ARHGAP17: variants seen among roughly 807,000 people sequenced by gnomAD.
The protein encoded by ARHGAP17 is rho GTPase-activating protein 17.
Under a neutral mutation model 99.5 loss-of-function variants are expected in ARHGAP17, and 57 were observed. The ratio of observed to expected loss-of-function variants is 0.57; its 90% CI spans 0.46 to 0.71. The LOEUF (loss-of-function observed/expected upper bound fraction) is 0.71, where lower values mean the gene tolerates loss of function less well. ARHGAP17 is among the 30% of genes least tolerant of loss of function. The probability of loss-of-function intolerance (pLI) is 0.00; values close to 1 mark genes in which losing one functional copy is unlikely to be tolerated. For synonymous variants in ARHGAP17, 417 were observed against 429.6 expected, an observed-to-expected ratio of 0.97 and a Z score of 0.36; for missense variants, 1,000 against 1,122.4, an observed-to-expected ratio of 0.89 and a Z score of 1.56.
At chr16:24,970,677 C>T (rs1261438681) in intron 3 of ARHGAP17, 97 bp from the exon 4 acceptor site, 3 of 1,113,208 alleles carry the variant, frequency 2.7e-6, no homozygotes, top group Non-Finnish European at 4.1e-6. Context: ...TCCCTCCAGG[C>T]AAATTACACA....
At chr16:25,010,884 T>C (rs1432423) in intron 1 of ARHGAP17, among the ~76,000 whole-genome samples, 5,844 of 152,296 alleles carry the variant, frequency 0.038, 365 homozygotes, top group African/African-American at 0.13. Flanking sequence ...GTTTACAACC[T>C]TGGGTTCTCA....
chr16:24,938,198 C>T (rs1473816572), intron 17 of ARHGAP17, among the ~76,000 whole-genome samples: 3 of 152,090 alleles, frequency 2.0e-5, no homozygotes, highest in Admixed American at 6.5e-5. Context: ...CCTGTCTTTA[C>T]TAAAAATACA....
intron 19 of ARHGAP17, among the ~76,000 whole-genome samples, chr16:24,924,545 C>T (rs138512188): frequency 2.6e-5 from 4 of 151,718 alleles, no homozygotes; most frequent in African/African-American, 4.8e-5. Context: ...AATTCACAAC[C>T]AAAGAGGTTT....
chr16:24,998,553 G>A (rs1476731018), intron 1 of ARHGAP17, among the ~76,000 whole-genome samples: 6 of 152,150 alleles, frequency 3.9e-5, no homozygotes, highest in Admixed American at 1.3e-4. Context: ...TGGGTGTCTG[G>A]GGTAGGGTGA....
chr16:24,920,086 A>G lies in ARHGAP17; in HGVS notation c.*44T>C. The G allele has an allele frequency of 6.2e-7, 1 of 1,603,112 alleles. No homozygotes were observed. The highest frequency in any genetic ancestry group is 1.1e-5 in the South Asian group (1 of 90,598). On this transcript the variant is annotated 3_prime_UTR_variant, in exon 20 of 20. Transcript: ENST00000289968. ...AAAGAGGTTCGCCTGCCCCTGCTCC[A>G]CTCGCCAGGGTGGAAGTGGTGGAGG...
chr16:24,956,638 C>T (rs1164593872), intron 9 of ARHGAP17: 2 of 152,178 alleles, frequency 1.3e-5, no homozygotes, highest in Non-Finnish European at 2.9e-5. Context: ...CACGATCTGC[C>T]GACAGGCGAT....
chr16:24,988,950 T>C (rs1362539938), intron 1 of ARHGAP17, among the ~76,000 whole-genome samples: 2 of 152,192 alleles, frequency 1.3e-5, no homozygotes, highest in Admixed American at 1.3e-4. Context: ...TTAAAACTCA[T>C]TTAAGCAGGC....
chr16:24,931,097 G>A lies in ARHGAP17; in HGVS notation c.2202C>T (p.Gly734=). ...TGGGCAATGCCATGGGGTTGGGAGG[G>A]CCCTGGCTATTGGGTTTGGTGTGCA... ...PLMHTKPNSQ[G]PPNPMALPSE... Residue 734 remains glycine (G), a synonymous_variant, in exon 19 of 20, where the codon GGC becomes GGT. Coordinates refer to ENST00000289968, the MANE Select transcript of ARHGAP17 (RefSeq NM_001006634.3). 1 of 1,606,398 alleles carries A rather than the reference G, an allele frequency of 6.2e-7. No homozygotes were observed. The highest frequency in any genetic ancestry group is 8.5e-7 in the Non-Finnish European group (1 of 1,176,416).
At position 24,931,376 on chromosome 16, in the gene ARHGAP17, C is replaced by T. The variant is rs757255174; in HGVS notation, c.1923G>A (p.Pro641=). 23 of 1,509,808 alleles carry T rather than the reference C, an allele frequency of 1.5e-5. No individual in the cohort carries two copies. Among genetic ancestry groups the T allele is most frequent in the African/African-American group, 2.8e-5 (2 of 71,170 alleles). 93.5% of individuals were successfully genotyped at this position (1,509,808 alleles called of 1,614,324 possible). A position where few individuals can be genotyped will look rare whatever the true frequency, so the allele number is the denominator to read the frequency against. ...GGCCAGGAGGTGGGTTGCCCGGTTT[C>T]GGGGGTGCTGGAGCGGGTTTTTTAA... ...RAVKKPAPAP[P]KPGNPPPGHP... The change falls in exon 19 of 20, where the codon CCG becomes CCA. Residue 641 remains proline, a synonymous_variant. Transcript: ENST00000289968.
intron 12 of ARHGAP17, among the ~76,000 whole-genome samples, chr16:24,949,685 A>T (rs2141223786): frequency 6.6e-6 from 1 of 152,356 alleles, no homozygotes; most frequent in Non-Finnish European, 1.5e-5. Flanking sequence ...CAATCTCTGG[A>T]TGTGCAAAAC....
intron 1 of ARHGAP17, among the ~76,000 whole-genome samples, chr16:24,983,300 C>T (rs896015341): frequency 6.0e-5 from 9 of 150,646 alleles, no homozygotes; most frequent in East Asian, 1.9e-4. Flanking sequence ...CCACCGTACG[C>T]GGCCAGATTT....
chr16:25,000,368 C>T (rs546016747), intron 1 of ARHGAP17, among the ~76,000 whole-genome samples: 10 of 152,284 alleles, frequency 6.6e-5, no homozygotes, highest in African/African-American at 2.4e-4. Context: ...TGCACATCTG[C>T]AAATAACATT....
In ARHGAP17 at chr16:24,931,116, G is replaced by A. The variant is rs754555375; in HGVS notation, c.2183C>T (p.Thr728Ile). The change falls in exon 19 of 20, where the codon ACC becomes ATC. Residue 728 changes from threonine (T) to isoleucine (I), a missense_variant. This residue lies in a region of ARHGAP17 where 528 missense variants were observed against 511.4 expected (regional missense o/e 1.03). Coordinates refer to ENST00000289968, the MANE Select transcript of ARHGAP17 (RefSeq NM_001006634.3). ...GGGAGGGCCCTGGCTATTGGGTTTG[G>A]TGTGCATCAGTGGCGTGGCCTGCGT... is the stretch of plus-strand genomic sequence containing the variant. ...PPTQATPLMH[T>I]KPNSQGPPNP... The A allele has an allele frequency of 3.1e-6, 5 of 1,607,060 alleles. No homozygotes were observed. The East Asian group carries it at 8.9e-5, about 29-fold the overall frequency.
chr16:24,942,053 C>T lies in ARHGAP17; in HGVS notation c.1424G>A (p.Gly475Glu), dbSNP rs775238641. 16 of 1,614,152 alleles carry T rather than the reference C, an allele frequency of 9.9e-6. No homozygotes were observed. Among genetic ancestry groups the T allele is most frequent in the Non-Finnish European group, 1.3e-5 (15 of 1,180,016 alleles). Residue 475 changes from glycine to glutamate, a missense_variant, in exon 16 of 20, where the codon GGG (glycine) becomes GAG (glutamate). Transcript: ENST00000289968. The part of the protein sequence containing the change: ...SFHTGNDSDS[G>E]TLERKRPASM... ...AGCAGGCCGCTTCCTCTCCAGGGTC[C>T]CCGAGTCAGAGTCGTTTCCAGTGTG...
chr16:25,004,925 T>C (rs1597490452), intron 1 of ARHGAP17, among the ~76,000 whole-genome samples: 2 of 152,314 alleles, frequency 1.3e-5, no homozygotes, highest in East Asian at 3.9e-4. Flanking sequence ...TGAATATTGT[T>C]TGTTTTTGAG....
intron 9 of ARHGAP17, chr16:24,957,167 G>C (rs1164282749): frequency 1.3e-5 from 2 of 152,448 alleles, no homozygotes; most frequent in Non-Finnish European, 2.9e-5. Context: ...AGGAGAAAAG[G>C]GTTCCAAGGT....
chr16:24,964,781 T>C (rs1597417617), intron 6 of ARHGAP17, among the ~76,000 whole-genome samples: 1 of 152,168 alleles, frequency 6.6e-6, no homozygotes, highest in South Asian at 2.1e-4. Context: ...TGACCTGGGA[T>C]TACTTTCAGA....
At chr16:24,985,202 ACAC>A (rs2052825984) in intron 1 of ARHGAP17, among the ~76,000 whole-genome samples, 1 of 152,094 alleles carries the variant, frequency 6.6e-6, no homozygotes, top group South Asian at 2.1e-4. Flanking sequence ...ACACACACAC[ACAC>A]ACTAAATAAT....
intron 19 of ARHGAP17, among the ~76,000 whole-genome samples, chr16:24,922,510 C>T (rs953654000): frequency 1.3e-5 from 2 of 152,076 alleles, no homozygotes; most frequent in African/African-American, 4.8e-5. Flanking sequence ...CTTACTCTGC[C>T]GCCCACCTGC....
Sources: allele counts gnomAD v4.1 joint callset (sites outside exome capture counted in the v4.1 genomes callset), GRCh38; gene constraint gnomAD v4.1.1; regional missense constraint gnomAD v4.1.1; transcripts MANE v1.5; gene names NCBI Gene and HGNC (gene_info 2026-07-23, HGNC 2026-07-21).